Variants in PDE1C observed in about 807,000 individuals in gnomAD.
PDE1C encodes phosphodiesterase 1C.
Under a neutral mutation model 93.1 loss-of-function variants are expected in PDE1C, and 62 were observed. That is an observed-to-expected ratio of 0.67 (90% confidence interval 0.54 to 0.82). The LOEUF (loss-of-function observed/expected upper bound fraction) is 0.82, where lower values mean the gene tolerates loss of function less well. PDE1C is among the 40% of genes least tolerant of loss of function. The pLI is 0.00. For missense variants in PDE1C, 742 were observed against 884.6 expected (o/e 0.84, Z 2.04); for synonymous variants, 325 against 310.1 (o/e 1.05, Z -0.50).
chr7:32,022,752 A>G (rs184812569), intron 2 of PDE1C, among the ~76,000 whole-genome samples: 5 of 152,094 alleles, frequency 3.3e-5, no homozygotes, highest in Non-Finnish European at 5.9e-5. Flanking sequence ...TCTATCTCTG[A>G]AAAGGACCTC....
At chr7:32,113,103 G>A (rs895013510) in intron 3 of PDE1C, among the ~76,000 whole-genome samples, 1 of 149,366 alleles carries the variant, frequency 6.7e-6, no homozygotes, top group East Asian at 2.0e-4. Flanking sequence ...CCCCATAACA[G>A]TTATAGGTAT....
chr7:32,078,624 C>T (rs1584715326), intron 3 of PDE1C, among the ~76,000 whole-genome samples: 3 of 152,032 alleles, frequency 2.0e-5, no homozygotes, highest in African/African-American at 4.8e-5. Context: ...CCTGGACTAC[C>T]GTATTAAAGT....
At chr7:31,920,849 A>G (rs999878215) in intron 2 of PDE1C, among the ~76,000 whole-genome samples, 1 of 152,148 alleles carries the variant, frequency 6.6e-6, no homozygotes, top group Non-Finnish European at 1.5e-5. Flanking sequence ...ATTTTCCTTT[A>G]CATCCTGTCC....
intron 12 of PDE1C, 110 bp downstream of exon 12, chr7:31,828,182 A>C (rs553490516): frequency 2.5e-4 from 194 of 775,456 alleles, no homozygotes; most frequent in Non-Finnish European, 3.8e-4. Flanking sequence ...TGAGCACAAC[A>C]TGGCAGAATG....
At chr7:31,998,511 A>G (rs1019920959) in intron 2 of PDE1C, among the ~76,000 whole-genome samples, 1 of 152,214 alleles carries the variant, frequency 6.6e-6, no homozygotes, top group African/African-American at 2.4e-5. Context: ...ATTGTCAACT[A>G]TACTTGTACA....
At chr7:31,924,257 A>G (rs995403441) in intron 2 of PDE1C, among the ~76,000 whole-genome samples, 9 of 152,134 alleles carry the variant, frequency 5.9e-5, no homozygotes, top group African/African-American at 2.2e-4. Context: ...CTTCCCTCAT[A>G]CCTCACACAG....
chr7:31,636,949 T>C, the PDE1C span, among the ~76,000 whole-genome samples: 3 of 143,868 alleles, frequency 2.1e-5, no homozygotes, highest in African/African-American at 7.8e-5. Flanking sequence ...TGTGTTCTTA[T>C]TGTTCAGTTC....
the PDE1C span, chr7:31,707,255 A>C: frequency 6.2e-7 from 1 of 1,613,838 alleles, no homozygotes; most frequent in Non-Finnish European, 8.5e-7. Flanking sequence ...GAAGATGACG[A>C]AAAGGATGGT....
chr7:32,058,479 C>T (rs534859593), intron 1 of PDE1C, among the ~76,000 whole-genome samples: 89 of 152,244 alleles, frequency 5.8e-4, no homozygotes, highest in African/African-American at 1.9e-3. Flanking sequence ...AGGATCTGAA[C>T]GATCATCTGA....
At chr7:32,393,733 C>T (rs1488536373) in intron 1 of PDE1C, among the ~76,000 whole-genome samples, 1 of 152,198 alleles carries the variant, frequency 6.6e-6, no homozygotes, top group Non-Finnish European at 1.5e-5. Flanking sequence ...CTCCAGGTTA[C>T]ATTCACAATA....
At chr7:32,336,876 T>C (rs1217099843) in intron 1 of PDE1C, among the ~76,000 whole-genome samples, 1 of 152,200 alleles carries the variant, frequency 6.6e-6, no homozygotes, top group Non-Finnish European at 1.5e-5. Flanking sequence ...TAGCTGACAG[T>C]ATTTCAACAA....
At chr7:31,847,806 A>G (rs771973017) in intron 9 of PDE1C, 162 bp downstream of exon 9, 42 of 694,680 alleles carry the variant, frequency 6.0e-5, no homozygotes, top group Non-Finnish European at 9.6e-5. Flanking sequence ...TAAGACATAC[A>G]TACATACACA....
Position 32,392,348 on chromosome 7 carries a change from T to C in PDE1C, c.310+35474A>G, listed in dbSNP as rs186632698. On this transcript the variant is annotated intron_variant, in intron 1 of 1. Coordinates refer to the PDE1C transcript ENST00000672256. ...AGGCCTAGGTTGCTTCGCTGGTAAATTTTACGTAACATTTATAGGAAAAAT... is the reference window on the plus strand; with the variant it reads ...AGGCCTAGGTTGCTTCGCTGGTAAACTTTACGTAACATTTATAGGAAAAAT... Among the ~76,000 whole-genome samples, 140 of 152,286 alleles carry C rather than the reference T, an allele frequency of 9.2e-4. No homozygotes were observed. In the Middle Eastern group the frequency reaches 0.01, roughly 11 times the overall value.
At chr7:32,130,111 G>A (rs949606358) in intron 3 of PDE1C, among the ~76,000 whole-genome samples, 5 of 151,826 alleles carry the variant, frequency 3.3e-5, no homozygotes, top group African/African-American at 1.2e-4. Context: ...TCCCTTTTTG[G>A]TTGTTGTTTG....
At chr7:31,732,607 A>C in the PDE1C span, among the ~76,000 whole-genome samples, 1 of 125,598 alleles carries the variant, frequency 8.0e-6, no homozygotes, top group Non-Finnish European at 1.6e-5. Context: ...ATTCCTTTAA[A>C]TCTTTCTCTC....
chr7:31,845,580 C>T (rs949195812), intron 9 of PDE1C, among the ~76,000 whole-genome samples: 5 of 151,874 alleles, frequency 3.3e-5, no homozygotes, highest in Non-Finnish European at 5.9e-5. Context: ...CTAATGTAGA[C>T]GATGGGTTGA....
At chr7:31,642,864 A>C in the PDE1C span, 1 of 1,614,022 alleles carries the variant, frequency 6.2e-7, no homozygotes, top group Non-Finnish European at 8.5e-7. Flanking sequence ...AAAGGGCCTC[A>C]GTATCTGTGA....
chr7:32,374,250 GGAAAGGAA>G (rs1554313993), intron 1 of PDE1C, among the ~76,000 whole-genome samples: 1 of 57,846 alleles, frequency 1.7e-5, no homozygotes, highest in Non-Finnish European at 3.6e-5. Context: ...AGGAAGGAAA[GGAAAGGAA>G]GAAAGAAAGA....
chr7:31,732,636 TTCTGTGTGTGTG>T, the PDE1C span, among the ~76,000 whole-genome samples: 4 of 103,128 alleles, frequency 3.9e-5, no homozygotes, highest in African/African-American at 6.7e-5. Flanking sequence ...TCTCCTCTCT[TTCTGTGTGTGTG>T]TGTGTGTGTG....
Sources: gnomAD v4.1 joint callset for allele counts (sites outside exome capture counted in the v4.1 genomes callset) on GRCh38, gnomAD v4.1.1 for gene constraint, MANE v1.5 for transcripts, NCBI Gene and HGNC (gene_info 2026-07-23, HGNC 2026-07-21) for gene names.